Variants in CHI3L2 observed in about 807,000 individuals in gnomAD.
The protein encoded by CHI3L2 is chitinase 3 like 2, also known as chitinase-3-like protein 2.
CHI3L2 carries 47 observed loss-of-function variants against 47.3 expected under a neutral mutation model. The ratio of observed to expected loss-of-function variants is 0.99; its 90% CI spans 0.79 to 1.27. The LOEUF (loss-of-function observed/expected upper bound fraction) is 1.27. Among genes scored for constraint, CHI3L2 ranks in the 50% most tolerant of loss-of-function variants. CHI3L2 has a pLI of 0.00. For synonymous variants in CHI3L2, 198 were observed against 169.9 expected (o/e 1.17, Z -1.28); for missense variants, 497 against 462.1 (o/e 1.08, Z -0.69).
rs780768576 is a variant in CHI3L2 at position 111,238,871 on chromosome 1, C to A, written c.857C>A (p.Ala286Asp). The A allele has an allele frequency of 6.2e-7, 1 of 1,613,478 alleles. No individual in the cohort carries two copies. Among genetic ancestry groups the A allele is most frequent in the African/African-American group, 1.3e-5 (1 of 75,018 alleles). Residue 286 changes from alanine to aspartate, a missense_variant, in exon 8 of 11, where the codon GCC becomes GAC. Ala to Asp is a moderately radical substitution (Grantham distance 126). Transcript: ENST00000369748. ...GCAGAAACCACCGTGGGGGCCCCTG[C>A]CTCTGGCCCTGGAGCTGCTGGACCC... ...ASAETTVGAP[A>D]SGPGAAGPIT...
intron 2 of CHI3L2, 96 bp downstream of exon 2, chr1:111,229,977 T>C: frequency 3.0e-6 from 4 of 1,351,024 alleles, no homozygotes; most frequent in South Asian, 1.2e-5. Context: ...GCTTTTTCTC[T>C]TGATTACTCT....
intron 7 of CHI3L2, 74 bp from the exon 8 acceptor site, chr1:111,238,676 G>C: frequency 1.3e-6 from 2 of 1,490,362 alleles, no homozygotes; most frequent in Non-Finnish European, 1.9e-6. Context: ...TGTGAAGTTT[G>C]GGATAGAGGC....
At chr1:111,229,281 C>G (rs545670686) in intron 1 of CHI3L2, among the ~76,000 whole-genome samples, 1 of 152,270 alleles carries the variant, frequency 6.6e-6, no homozygotes, top group African/African-American at 2.4e-5. Context: ...TTCAATAAAA[C>G]TTTGTTGGAT....
intron 10 of CHI3L2, 83 bp from the exon 11 acceptor site, chr1:111,243,134 T>C (rs544779338): frequency 4.4e-6 from 2 of 455,886 alleles, no homozygotes; most frequent in Non-Finnish European, 8.8e-6. Context: ...GCCTTCCAAC[T>C]CTGAGCATCC....
At chr1:111,239,765 A>G (rs1245571578) in intron 8 of CHI3L2, among the ~76,000 whole-genome samples, 1 of 152,206 alleles carries the variant, frequency 6.6e-6, no homozygotes, top group Non-Finnish European at 1.5e-5. Flanking sequence ...TTTAAAAAGC[A>G]TAGGGGAAGA....
chr1:111,234,140 A>T (rs1393824853), intron 4 of CHI3L2, among the ~76,000 whole-genome samples: 5 of 149,562 alleles, frequency 3.3e-5, no homozygotes, highest in Admixed American at 3.3e-4. Context: ...CTATTGTCCT[A>T]TGACCCTGCC....
Position 111,235,046 on chromosome 1 carries a change from G to A in CHI3L2, c.469G>A (p.Val157Met), listed in dbSNP as rs749781269. 2 of 1,613,880 alleles carry A rather than the reference G, an allele frequency of 1.2e-6. No individual in the cohort carries two copies. The highest frequency in any genetic ancestry group is 1.7e-5 in the Admixed American group (1 of 60,020). ...PDQKENTHFT[V>M]LIHELAEAFQ... The stretch of plus-strand genomic sequence containing the variant: ...TCAGAAAGAAAACACTCATTTCACT[G>A]TGCTGATTCATGTAAGTCATGAATC... Residue 157 changes from valine to methionine, a missense_variant, in exon 5 of 11, where the codon GTG becomes ATG. Val to Met is a conservative substitution (Grantham distance 21). Transcript: ENST00000369748.
At chr1:111,234,746 C>T (rs1269341871) in intron 4 of CHI3L2, among the ~76,000 whole-genome samples, 161 bp from the exon 5 acceptor site, 1 of 152,216 alleles carries the variant, frequency 6.6e-6, no homozygotes, top group Non-Finnish European at 1.5e-5. Flanking sequence ...CCCAACAATC[C>T]TTTTTCTCTC....
intron 4 of CHI3L2, among the ~76,000 whole-genome samples, chr1:111,232,947 A>G (rs971481861): frequency 1.3e-5 from 2 of 152,232 alleles, no homozygotes; most frequent in African/African-American, 4.8e-5. Context: ...CAAAGATGAG[A>G]TACATGCAGG....
At position 111,234,939 on chromosome 1, in the gene CHI3L2, G is replaced by T. The variant is rs956335346; in HGVS notation, c.362G>T (p.Arg121Leu). ...FHPMVDSSTS[R>L]LEFINSIILF... ...CCTATGGTGGATTCTTCTACATCACGCTTGGAATTCATTAACTCCATAATC... is the reference window on the plus strand; with the variant it reads ...CCTATGGTGGATTCTTCTACATCACTCTTGGAATTCATTAACTCCATAATC... Residue 121 changes from arginine (R) to leucine (L), a missense_variant, in exon 5 of 11, where the codon CGC (arginine) becomes CTC (leucine). By Grantham distance (102) the Arg-to-Leu change is moderately radical. Transcript: ENST00000369748. The T allele has an allele frequency of 2.5e-6, 4 of 1,614,024 alleles. No homozygotes were observed. In the South Asian group the frequency reaches 3.3e-5, roughly 13 times the overall value.
intron 9 of CHI3L2, among the ~76,000 whole-genome samples, chr1:111,241,798 G>A (rs1660066621): frequency 6.6e-6 from 1 of 152,192 alleles, no homozygotes; most frequent in Non-Finnish European, 1.5e-5. Flanking sequence ...AAACTGTTCA[G>A]TCCTTCTCAT....
intron 4 of CHI3L2, among the ~76,000 whole-genome samples, chr1:111,231,823 A>C (rs1659731916): frequency 1.3e-5 from 2 of 152,224 alleles, no homozygotes; most frequent in Admixed American, 1.3e-4. Context: ...TAAAATCAAA[A>C]TAGCTATTGA....
intron 4 of CHI3L2, among the ~76,000 whole-genome samples, chr1:111,234,239 G>A (rs377554184): frequency 6.6e-6 from 1 of 151,508 alleles, no homozygotes; most frequent in African/African-American, 2.4e-5. Flanking sequence ...ATTTAAAGCA[G>A]TAAAACAGAT....
At chr1:111,236,414 T>A (rs1456177097) in intron 7 of CHI3L2, among the ~76,000 whole-genome samples, 2 of 152,154 alleles carry the variant, frequency 1.3e-5, no homozygotes, top group Admixed American at 6.5e-5. Context: ...CCCATCCCAG[T>A]CTTCTCTGGA....
At chr1:111,234,524 G>A (rs569981795) in intron 4 of CHI3L2, among the ~76,000 whole-genome samples, 3 of 152,306 alleles carry the variant, frequency 2.0e-5, no homozygotes, top group Middle Eastern at 3.4e-3. Flanking sequence ...GGGGGTTTCT[G>A]GCTAAACTGA....
chr1:111,233,935 G>A (rs552535288), intron 4 of CHI3L2, among the ~76,000 whole-genome samples: 166 of 151,964 alleles, frequency 1.1e-3, no homozygotes, highest in Non-Finnish European at 2.1e-3. Flanking sequence ...GTCCACTCAG[G>A]GTTAAATGGA....
intron 10 of CHI3L2, 101 bp downstream of exon 10, chr1:111,242,467 C>G: frequency 7.6e-7 from 1 of 1,313,672 alleles, no homozygotes; most frequent in Admixed American, 2.5e-5. Context: ...CTAATCCTTT[C>G]TCATGCTCCT....
intron 7 of CHI3L2, among the ~76,000 whole-genome samples, chr1:111,237,123 T>G (rs961102540): frequency 2.0e-5 from 3 of 152,236 alleles, no homozygotes; most frequent in African/African-American, 7.2e-5. Context: ...CTTAGAATCT[T>G]GCAGCCTTTG....
At chr1:111,229,965 A>C in intron 2 of CHI3L2, 84 bp downstream of exon 2, 4 of 1,471,208 alleles carry the variant, frequency 2.7e-6, no homozygotes, top group Non-Finnish European at 3.8e-6. Context: ...TTTCTGCTAC[A>C]TGCTTTTTCT....
Sources: allele counts gnomAD v4.1 joint callset (sites outside exome capture counted in the v4.1 genomes callset), GRCh38; gene constraint gnomAD v4.1.1; transcripts MANE v1.5; gene names NCBI Gene and HGNC (gene_info 2026-07-23, HGNC 2026-07-21).